OR52N4: variants seen among roughly 807,000 people sequenced by gnomAD.
The protein encoded by OR52N4 is olfactory receptor 52N4.
Under a neutral mutation model 15.0 loss-of-function variants are expected in OR52N4, and 15 were observed. That is an observed-to-expected ratio of 1.00 (90% CI 0.67 to 1.54). OR52N4 has a LOEUF of 1.54. Among genes scored for constraint, OR52N4 ranks in the 40% most tolerant of loss-of-function variants. The pLI is 0.00. For missense variants in OR52N4, 421 were observed against 394.0 expected, an observed-to-expected ratio of 1.07 and a Z score of -0.58; for synonymous variants, 143 against 143.7, an observed-to-expected ratio of 1.00 and a Z score of 0.03.
the OR52N4 span, chr11:5,736,714 G>A: frequency 6.2e-7 from 1 of 1,613,978 alleles, no homozygotes; most frequent in Non-Finnish European, 8.5e-7. Context: ...CTTTACAGCA[G>A]CCCATGTATA....
chr11:5,730,882 A>G, the OR52N4 span, among the ~76,000 whole-genome samples: 1 of 151,614 alleles, frequency 6.6e-6, no homozygotes, highest in African/African-American at 2.4e-5. Context: ...TCTTTCAATT[A>G]TGACCGATGG....
At position 5,754,673 on chromosome 11, in the gene OR52N4, GTT is replaced by G. The variant is rs34221828; in HGVS notation, c.-48-10_-48-9del. On this transcript the variant is annotated intron_variant, in intron 1 of 1. Transcript: ENST00000641350. ...GTAAAAATAACCTATATTTTCTCTT[GTT>G]TTTTTTTTTAACTCTAGGAAAGCCC... The G allele has an allele frequency of 4.3e-5, 52 of 1,203,824 alleles. No individual in the cohort carries two copies. Among genetic ancestry groups the G allele is most frequent in the Middle Eastern group, 2.2e-4 (1 of 4,648 alleles). 74.6% of individuals were successfully genotyped at this position (1,203,824 alleles called of 1,614,324 possible).
the OR52N4 span, chr11:5,734,126 C>T: frequency 4.4e-6 from 2 of 454,458 alleles, no homozygotes; most frequent in Admixed American, 2.4e-5. Flanking sequence ...GCTGACAACA[C>T]ATTTTTATCT....
the OR52N4 span, among the ~76,000 whole-genome samples, chr11:5,732,110 T>C: frequency 6.6e-6 from 1 of 152,172 alleles, no homozygotes; most frequent in African/African-American, 2.4e-5. Context: ...GGTCACCACG[T>C]TGTACAATAG....
In OR52N4 at chr11:5,755,446, C is replaced by T. The variant is rs1450969690; in HGVS notation, c.706C>T (p.Arg236Trp). ...GGTCAGCCTCTCCTCAGCAGATGCT[C>T]GGCAGAAGGCCTTTAATACCTGCAC... ...AVVSLSSADA[R>W]QKAFNTCTAH... is the part of the protein sequence containing the mutation. The change falls in exon 2 of 2, where the codon CGG becomes TGG. Residue 236 changes from arginine to tryptophan, a missense_variant. Arg to Trp is a moderately radical substitution (Grantham distance 101). Coordinates refer to ENST00000641350, the MANE Select transcript of OR52N4 (RefSeq NM_001005175.5). 7 of 1,613,906 alleles carry T rather than the reference C, an allele frequency of 4.3e-6. No homozygotes were observed. The highest frequency in any genetic ancestry group is 4.0e-5 in the African/African-American group (3 of 74,904).
At chr11:5,741,137 A>T in the OR52N4 span, among the ~76,000 whole-genome samples, 3 of 152,046 alleles carry the variant, frequency 2.0e-5, 1 homozygote, top group Non-Finnish European at 4.4e-5. Context: ...CTCATACAAG[A>T]CTATGGTTAC....
At chr11:5,750,636 T>C (rs1025131806), upstream of OR52N4, among the ~76,000 whole-genome samples, 8 of 151,666 alleles carry the variant, frequency 5.3e-5, no homozygotes, top group Non-Finnish European at 1.2e-4. Flanking sequence ...TAATAATATA[T>C]TGTAAAACAT....
chr11:5,753,988 C>CAAAAAAA (rs60504408), upstream of OR52N4, among the ~76,000 whole-genome samples: 1 of 79,666 alleles, frequency 1.3e-5, no homozygotes, highest in African/African-American at 5.1e-5. Flanking sequence ...GACTCTGCCT[C>CAAAAAAA]AAAAAAAAAA....
chr11:5,740,096 T>C, the OR52N4 span, among the ~76,000 whole-genome samples: 84,881 of 125,612 alleles, frequency 0.68, 35,794 homozygotes, highest in Non-Finnish European at 0.78. Context: ...ACCTATCTGA[T>C]GACTAGTCCT....
chr11:5,727,997 T>C, the OR52N4 span, among the ~76,000 whole-genome samples: 2 of 152,216 alleles, frequency 1.3e-5, no homozygotes, highest in Non-Finnish European at 2.9e-5. Flanking sequence ...TCCACAATGT[T>C]ACTTAGTGGC....
chr11:5,745,147 T>C, the OR52N4 span, among the ~76,000 whole-genome samples: 1 of 152,118 alleles, frequency 6.6e-6, no homozygotes, highest in Non-Finnish European at 1.5e-5. Flanking sequence ...AAGCCAAAGA[T>C]GCCCATGTTC....
chr11:5,726,666 C>T, the OR52N4 span: 1 of 152,444 alleles, frequency 6.6e-6, no homozygotes, highest in Non-Finnish European at 1.5e-5. Flanking sequence ...GCCACTGAAC[C>T]AGTCTTGCAC....
the OR52N4 span, among the ~76,000 whole-genome samples, chr11:5,738,776 T>TA: frequency 6.7e-6 from 1 of 148,202 alleles, no homozygotes; most frequent in African/African-American, 2.5e-5. Context: ...CTTTTTTTTT[T>TA]AAATAGTCCT....
upstream of OR52N4, among the ~76,000 whole-genome samples, chr11:5,752,985 T>G (rs1236041459): frequency 6.6e-6 from 1 of 152,208 alleles, no homozygotes; most frequent in Non-Finnish European, 1.5e-5. Context: ...GATTGTTTAT[T>G]CTTATTGTTA....
At chr11:5,749,073 T>C in the OR52N4 span, among the ~76,000 whole-genome samples, 5 of 152,068 alleles carry the variant, frequency 3.3e-5, no homozygotes, top group Admixed American at 6.6e-5. Context: ...CTCAGTTCAA[T>C]AGTTCAGACA....
chr11:5,727,995 G>A, the OR52N4 span, among the ~76,000 whole-genome samples: 3 of 152,192 alleles, frequency 2.0e-5, no homozygotes, highest in African/African-American at 7.2e-5. Context: ...CATCCACAAT[G>A]TTACTTAGTG....
Position 5,755,828 on chromosome 11 carries a change from G to A in OR52N4, c.*122G>A, listed in dbSNP as rs1379834061. On this transcript the variant is annotated 3_prime_UTR_variant, in exon 2 of 2. Coordinates refer to ENST00000641350, the MANE Select transcript of OR52N4 (RefSeq NM_001005175.5). ...ATCACAAAATGGAGTTTGTTAACTG[G>A]TGCATTCTCAATAAGTACCTTGGGA... 1.8e-6 allele frequency: 2 copies of A among 1,139,576 alleles called. No individual in the cohort carries two copies. The highest frequency in any genetic ancestry group is 2.4e-6 in the Non-Finnish European group (2 of 823,498). The allele number at this position is 1,139,576 out of a possible 1,614,324, so 70.6% of individuals were successfully genotyped here. A position where few individuals can be genotyped will look rare whatever the true frequency, so the allele number is the denominator to read the frequency against.
chr11:5,733,274 C>A, the OR52N4 span, among the ~76,000 whole-genome samples: 1 of 152,156 alleles, frequency 6.6e-6, no homozygotes, highest in African/African-American at 2.4e-5. Context: ...TTCCACCACA[C>A]CTTGAGGTTT....
rs1854300230 is a variant in OR52N4, at chr11:5,755,618, T to C, written c.878T>C (p.Ile293Thr). The C allele has an allele frequency of 6.2e-7, 1 of 1,613,796 alleles. No homozygotes were observed. Reference protein sequence around the residue: ...YLLLPPTMNPIVYGVKTKQIR... With the variant: ...YLLLPPTMNPTVYGVKTKQIR... ...CTCCTACCACCCACTATGAACCCTA[T>C]TGTCTATGGGGTGAAAACCAAACAG... Residue 293 changes from isoleucine (I) to threonine (T), a missense_variant, in exon 2 of 2, where the codon ATT becomes ACT. Physicochemically the swap from Ile to Thr is moderately conservative, Grantham distance 89 (BLOSUM62 -1). Coordinates refer to ENST00000641350, the MANE Select transcript of OR52N4 (RefSeq NM_001005175.5).
Sources: allele counts gnomAD v4.1 joint callset (sites outside exome capture counted in the v4.1 genomes callset), GRCh38; gene constraint gnomAD v4.1.1; transcripts MANE v1.5; gene names NCBI Gene and HGNC (gene_info 2026-07-23, HGNC 2026-07-21).